GRM8: variants seen among roughly 807,000 people sequenced by gnomAD.
The protein encoded by GRM8 is glutamate metabotropic receptor 8, also known as metabotropic glutamate receptor 8.
GRM8 carries 47 observed loss-of-function variants against 87.2 expected under a neutral mutation model. That is an observed-to-expected ratio of 0.54 (90% CI 0.43 to 0.69). The LOEUF is 0.69. Ranked by LOEUF, GRM8 falls within the 30% of genes least tolerant of loss-of-function variation. The pLI is 0.00. For missense variants in GRM8, 1,019 were observed against 1,139.2 expected (o/e 0.89, Z 1.52); for synonymous variants, 396 against 404.5 (o/e 0.98, Z 0.25).
At chr7:127,195,679 T>C (rs1795243145) in intron 2 of GRM8, among the ~76,000 whole-genome samples, 1 of 152,138 alleles carries the variant, frequency 6.6e-6, no homozygotes, top group South Asian at 2.1e-4. Flanking sequence ...CCTTCCAGAC[T>C]TAACTCAGGT....
intron 9 of GRM8, among the ~76,000 whole-genome samples, chr7:126,493,497 G>A (rs17149845): frequency 0.24 from 35,901 of 151,876 alleles, 4,381 homozygotes; most frequent in Non-Finnish European, 0.24. Flanking sequence ...CATCTTTCCC[G>A]GAAGAACAGA....
chr7:127,087,684 C>T (rs537988526), intron 3 of GRM8, among the ~76,000 whole-genome samples: 3 of 152,110 alleles, frequency 2.0e-5, no homozygotes, highest in Admixed American at 6.5e-5. Context: ...TGCTGTACAA[C>T]GCTGCACCCA....
At chr7:127,112,834 T>G (rs573009993) in intron 2 of GRM8, among the ~76,000 whole-genome samples, 123 of 152,346 alleles carry the variant, frequency 8.1e-4, no homozygotes, top group Non-Finnish European at 1.5e-3. Context: ...CATAACTACC[T>G]TGGCAAACAC....
At chr7:127,022,781 C>T (rs1039507532) in intron 3 of GRM8, among the ~76,000 whole-genome samples, 4 of 152,082 alleles carry the variant, frequency 2.6e-5, no homozygotes, top group African/African-American at 7.2e-5. Context: ...TCACCAATCA[C>T]CTAAATTTTA....
At chr7:126,453,625 A>G (rs1466781656) in intron 9 of GRM8, among the ~76,000 whole-genome samples, 2 of 151,840 alleles carry the variant, frequency 1.3e-5, no homozygotes, top group African/African-American at 4.8e-5. Flanking sequence ...TCTGTTAAAG[A>G]AGGAGAAAAT....
chr7:127,056,687 G>T (rs554429799), intron 3 of GRM8, among the ~76,000 whole-genome samples: 1 of 152,152 alleles, frequency 6.6e-6, no homozygotes, highest in Non-Finnish European at 1.5e-5. Flanking sequence ...GTTGGTTAAC[G>T]TTATAAAGAA....
chr7:126,532,098 C>T (rs904094216), intron 9 of GRM8, among the ~76,000 whole-genome samples: 2 of 152,202 alleles, frequency 1.3e-5, no homozygotes, highest in Non-Finnish European at 2.9e-5. Context: ...CCTTAGTTCT[C>T]TGCTTTTCTG....
chr7:126,580,660 T>C (rs1448607399), intron 8 of GRM8, among the ~76,000 whole-genome samples: 1 of 152,126 alleles, frequency 6.6e-6, no homozygotes, highest in Non-Finnish European at 1.5e-5. Flanking sequence ...TGAACTTAAA[T>C]AAGCAACTTA....
intron 8 of GRM8, among the ~76,000 whole-genome samples, chr7:126,550,205 C>G (rs1237780467): frequency 6.6e-6 from 1 of 151,836 alleles, no homozygotes; most frequent in Non-Finnish European, 1.5e-5. Flanking sequence ...ACCTCTGCCT[C>G]CCGGGTTCAA....
chr7:127,016,916 C>T (rs376429890), intron 3 of GRM8, among the ~76,000 whole-genome samples: 3 of 152,020 alleles, frequency 2.0e-5, no homozygotes, highest in East Asian at 3.9e-4. Flanking sequence ...GAGACACTGC[C>T]TTATTCATTT....
At chr7:127,199,111 G>T (rs978173307) in intron 2 of GRM8, among the ~76,000 whole-genome samples, 8 of 151,518 alleles carry the variant, frequency 5.3e-5, no homozygotes, top group Admixed American at 1.3e-4. Context: ...AAAGTGCTGG[G>T]ATTACAGGCG....
At chr7:126,814,016 G>A (rs1793536781) in intron 6 of GRM8, among the ~76,000 whole-genome samples, 1 of 152,032 alleles carries the variant, frequency 6.6e-6, no homozygotes, top group Non-Finnish European at 1.5e-5. Flanking sequence ...TCCTTTGGGA[G>A]GCCAAAGTTA....
intron 8 of GRM8, among the ~76,000 whole-genome samples, chr7:126,604,393 G>T (rs190951449): frequency 2.0e-5 from 3 of 152,200 alleles, no homozygotes; most frequent in Admixed American, 6.5e-5. Context: ...TCAGAATAAA[G>T]ACAGAAAGAA....
chr7:126,940,606 C>T (rs1806814060), intron 3 of GRM8, among the ~76,000 whole-genome samples: 2 of 152,202 alleles, frequency 1.3e-5, no homozygotes, highest in South Asian at 4.1e-4. Flanking sequence ...GACAAGAGCC[C>T]TTGATCCTCC....
At chr7:126,952,718 G>A (rs142653210) in intron 3 of GRM8, among the ~76,000 whole-genome samples, 265 of 152,094 alleles carry the variant, frequency 1.7e-3, no homozygotes, top group African/African-American at 6.2e-3. Context: ...AACCAAGCAT[G>A]AGAAAACACC....
At chr7:127,078,688 T>A (rs1350802306) in intron 3 of GRM8, among the ~76,000 whole-genome samples, 2 of 152,232 alleles carry the variant, frequency 1.3e-5, no homozygotes, top group Admixed American at 1.3e-4. Flanking sequence ...CAGTTTTCAG[T>A]GATGGCATCA....
chr7:126,770,124 T>A lies in GRM8; in HGVS notation c.1157-59A>T, dbSNP rs180800102. On this transcript the variant is annotated intron_variant, in intron 6 of 10. Transcript: ENST00000339582. Reference sequence around the variant, plus strand: ...TGTTAGATTCCAATAAAAGACAGCATTAGAGCTAAGATTTCCATCATTTGA... The same window carrying A: ...TGTTAGATTCCAATAAAAGACAGCAATAGAGCTAAGATTTCCATCATTTGA... The A allele has an allele frequency of 7.8e-5, 86 of 1,101,822 alleles. 1 individual carries two copies. Among genetic ancestry groups the A allele is most frequent in the Admixed American group, 5.5e-4 (27 of 49,536 alleles). 68.3% of individuals were successfully genotyped at this position (1,101,822 alleles called of 1,614,324 possible). A position where few individuals can be genotyped will look rare whatever the true frequency, so the allele number is the denominator to read the frequency against.
chr7:127,191,515 GTCTA>G (rs1329590869), intron 2 of GRM8, among the ~76,000 whole-genome samples: 1 of 152,084 alleles, frequency 6.6e-6, no homozygotes, highest in Non-Finnish European at 1.5e-5. Flanking sequence ...CCTTTTTCCT[GTCTA>G]TCTGCTAGTG....
chr7:127,251,510 G>T (rs1482473457), intron 1 of GRM8, among the ~76,000 whole-genome samples: 1 of 152,132 alleles, frequency 6.6e-6, no homozygotes, highest in East Asian at 1.9e-4. Flanking sequence ...CCCGCCAGGA[G>T]CCCCTGTTTC....
Sources: gnomAD v4.1 joint callset for allele counts (sites outside exome capture counted in the v4.1 genomes callset) on GRCh38, gnomAD v4.1.1 for gene constraint, MANE v1.5 for transcripts, NCBI Gene and HGNC (gene_info 2026-07-23, HGNC 2026-07-21) for gene names.